RBPJ: variants seen among roughly 807,000 people sequenced by gnomAD.
RBPJ encodes the protein recombination signal binding protein for immunoglobulin kappa J region.
RBPJ carries 9 observed loss-of-function variants against 67.8 expected under a neutral mutation model. The ratio of observed to expected loss-of-function variants is 0.13; its 90% CI spans 0.08 to 0.23. The LOEUF (loss-of-function observed/expected upper bound fraction) is 0.23. Ranked by LOEUF, RBPJ falls within the 10% of genes least tolerant of loss-of-function variation. The pLI, the probability that RBPJ is intolerant of heterozygous loss-of-function variation, is 1.00. For missense variants in RBPJ, 305 were observed against 595.6 expected, an observed-to-expected ratio of 0.51 and a Z score of 5.08; for synonymous variants, 198 against 203.3, an observed-to-expected ratio of 0.97 and a Z score of 0.22.
At position 26,180,676 on chromosome 4, in the gene RBPJ, T is replaced by C. The variant is rs765261710; in HGVS notation, c.-167+17062T>C. On this transcript the variant is annotated intron_variant, in intron 1 of 4. Coordinates refer to the RBPJ transcript ENST00000512351. Reference sequence around the variant, plus strand: ...CCTCATCTCCCAATACCTTGGAGATTAGCATTTCAATGCATGAATCTGGGG... The same window carrying C: ...CCTCATCTCCCAATACCTTGGAGATCAGCATTTCAATGCATGAATCTGGGG... Among the ~76,000 whole-genome samples the C allele has an allele frequency of 5.3e-4, 81 of 152,230 alleles. 1 individual carries two copies. The highest frequency in any genetic ancestry group is 2.9e-4 in the Non-Finnish European group (20 of 68,034).
rs948924907 is a variant in RBPJ at position 26,173,198 on chromosome 4, C to T, written c.-167+9584C>T. Among the ~76,000 whole-genome samples, 7 of 151,880 alleles carry T rather than the reference C, an allele frequency of 4.6e-5. No homozygotes were observed. In the South Asian group the frequency reaches 6.3e-4, roughly 14 times the overall value. ...TTGCCCAGGCTGGAGTGCAGTGGTA[C>T]GATCTCGGCTCACTGCAACCTCCAT... is the stretch of plus-strand genomic sequence containing the variant. On this transcript the variant is annotated intron_variant, in intron 1 of 4. Coordinates refer to the RBPJ transcript ENST00000512351.
rs1169730142 is a variant in RBPJ at position 26,432,957 on chromosome 4, CT to C, written c.*1953del. 6.6e-6 allele frequency: 1 copy of C among 152,200 alleles called. No individual in the cohort carries two copies. The highest frequency in any genetic ancestry group is 1.5e-5 in the Non-Finnish European group (1 of 68,036). 9.4% of individuals were successfully genotyped at this position (152,200 alleles called of 1,614,324 possible). On this transcript the variant is annotated 3_prime_UTR_variant, in exon 11 of 11. Coordinates refer to ENST00000355476, the MANE Select transcript of RBPJ (RefSeq NM_015874.6). ...CCACTGTAAATATTCTTCCTAACAT[CT>C]TTAAATCGCCTTTTCCTCAGTTTTC... is the stretch of plus-strand genomic sequence containing the variant.
intron 1 of RBPJ, among the ~76,000 whole-genome samples, chr4:26,242,463 AAAAG>A (rs1333531465): frequency 6.7e-6 from 1 of 149,762 alleles, no homozygotes; most frequent in Non-Finnish European, 1.5e-5. Context: ...AAAAAAAAAG[AAAAG>A]AAAAGAAAAA....
intron 7 of RBPJ, 180 bp from the exon 8 acceptor site, chr4:26,428,540 A>G (rs1735907777): frequency 1.1e-5 from 6 of 530,258 alleles, no homozygotes; most frequent in Non-Finnish European, 2.0e-5. Context: ...CTTGCAATCT[A>G]AAAGTGTTTT....
rs1577441746 is a variant in RBPJ, at chr4:26,326,065, G to T, written c.20+5017G>T. Among the ~76,000 whole-genome samples the T allele has an allele frequency of 2.0e-5, 3 of 152,138 alleles. No individual in the cohort carries two copies. The East Asian group carries it at 5.8e-4, about 29-fold the overall frequency. On this transcript the variant is annotated intron_variant, in intron 1 of 10. Transcript: ENST00000355476. ...TCACATGATAGAGACTCAGCAAAAA[G>T]AATTTTTGAACATAGGACTCAGTGC...
chr4:26,214,912 AAAG>A (rs1718611398), intron 1 of RBPJ, among the ~76,000 whole-genome samples: 1 of 90,458 alleles, frequency 1.1e-5, no homozygotes, highest in Non-Finnish European at 2.5e-5. Context: ...AAGAAAGAAA[AAAG>A]AGAAAAAAGG....
At chr4:26,210,727 C>CCTTCTTTCTTTCCTTCTTTACTT (rs55806116) in intron 1 of RBPJ, among the ~76,000 whole-genome samples, 1 of 61,776 alleles carries the variant, frequency 1.6e-5, no homozygotes, top group African/African-American at 6.1e-5. Context: ...TTCTTTCTTT[C>CCTTCTTTCTTTCCTTCTTTACTT]CTTCTTTACT....
chr4:26,362,644 C>A, intron 1 of RBPJ: 1 of 1,608,484 alleles, frequency 6.2e-7, no homozygotes, highest in Non-Finnish European at 8.5e-7. Flanking sequence ...CTTTAGAAAT[C>A]TCCCAGTGAC....
intron 2 of RBPJ, among the ~76,000 whole-genome samples, chr4:26,398,102 T>C (rs1732344558): frequency 6.6e-6 from 1 of 151,954 alleles, no homozygotes; most frequent in Non-Finnish European, 1.5e-5. Flanking sequence ...GTGATTACTT[T>C]GAAAATTCTT....
At chr4:26,155,353 A>T in the RBPJ span, among the ~76,000 whole-genome samples, 2 of 151,146 alleles carry the variant, frequency 1.3e-5, no homozygotes, top group Non-Finnish European at 2.9e-5. Context: ...GAGCCAGGGG[A>T]CCTAAGATTC....
chr4:26,435,039 A>G (rs1470011774), downstream of RBPJ: 1 of 152,254 alleles, frequency 6.6e-6, no homozygotes. Flanking sequence ...TACCATGTAC[A>G]TCACATCAAA....
At chr4:26,412,597 A>T (rs1407081171) in intron 3 of RBPJ, among the ~76,000 whole-genome samples, 1 of 152,082 alleles carries the variant, frequency 6.6e-6, no homozygotes, top group Non-Finnish European at 1.5e-5. Context: ...AGGTCTGGGG[A>T]AAAAAAATTC....
intron 1 of RBPJ, among the ~76,000 whole-genome samples, chr4:26,362,808 C>A (rs1728217200): frequency 6.6e-6 from 1 of 152,098 alleles, no homozygotes; most frequent in Admixed American, 6.5e-5. Context: ...GTTACAAAAA[C>A]CCATGGATTT....
chr4:26,374,666 A>G (rs1387404609), intron 1 of RBPJ, among the ~76,000 whole-genome samples: 4 of 151,740 alleles, frequency 2.6e-5, no homozygotes, highest in Non-Finnish European at 4.4e-5. Flanking sequence ...AGTAGAGACA[A>G]GGTTTCACCA....
chr4:26,421,270 C>T (rs1216386421), intron 5 of RBPJ, among the ~76,000 whole-genome samples: 1 of 151,918 alleles, frequency 6.6e-6, no homozygotes, highest in Non-Finnish European at 1.5e-5. Context: ...ACCTCCACAC[C>T]CATTTTTCTT....
At chr4:26,122,799 C>G in the RBPJ span, among the ~76,000 whole-genome samples, 1 of 151,914 alleles carries the variant, frequency 6.6e-6, no homozygotes, top group African/African-American at 2.4e-5. Context: ...ACCATATGGT[C>G]TCTAATGCAA....
At chr4:26,163,708 T>C (rs1047211301) in intron 1 of RBPJ, 9 of 152,240 alleles carry the variant, frequency 5.9e-5, no homozygotes, top group African/African-American at 2.2e-4. Context: ...GTAAATTGCT[T>C]TTTGCTACTG....
At chr4:26,269,119 G>A (rs947378472) in intron 1 of RBPJ, among the ~76,000 whole-genome samples, 2 of 152,092 alleles carry the variant, frequency 1.3e-5, no homozygotes, top group Non-Finnish European at 2.9e-5. Flanking sequence ...CAGTGCTGTT[G>A]AAAGCACTTT....
At chr4:26,273,693 A>G (rs1159073269) in intron 1 of RBPJ, among the ~76,000 whole-genome samples, 2 of 152,174 alleles carry the variant, frequency 1.3e-5, no homozygotes, top group African/African-American at 2.4e-5. Flanking sequence ...TTTTCACTCA[A>G]CTGCCTCCCT....
Sources: gnomAD v4.1 joint callset for allele counts (sites outside exome capture counted in the v4.1 genomes callset) on GRCh38, gnomAD v4.1.1 for gene constraint, MANE v1.5 for transcripts, NCBI Gene and HGNC (gene_info 2026-07-23, HGNC 2026-07-21) for gene names.